Variants in CDH1 observed in about 807,000 individuals in gnomAD.
CDH1 encodes cadherin-1.
Under a neutral mutation model 84.5 loss-of-function variants are expected in CDH1, and 35 were observed. The ratio of observed to expected loss-of-function variants is 0.41; its 90% CI spans 0.32 to 0.55. The LOEUF is 0.55. Ranked by LOEUF, CDH1 falls within the 20% of genes least tolerant of loss-of-function variation. The pLI is 0.19. For missense variants in CDH1, 994 were observed against 1,126.6 expected, an observed-to-expected ratio of 0.88 and a Z score of 1.68; for synonymous variants, 417 against 439.0, an observed-to-expected ratio of 0.95 and a Z score of 0.63.
rs35572355 is a variant in CDH1 at position 68,833,344 on chromosome 16, G to C, written c.2494G>C (p.Val832Leu). 1 of 1,614,154 alleles carries C rather than the reference G, an allele frequency of 6.2e-7. No individual in the cohort carries two copies. The highest frequency in any genetic ancestry group is 1.7e-5 in the Admixed American group (1 of 60,004). ...PTAPPYDSLL[V>L]FDYEGSGSEA... ...AGCCCCGCCTTATGATTCTCTGCTCGTGTTTGACTATGAAGGAAGCGGTTC... is the reference window on the plus strand; with the variant it reads ...AGCCCCGCCTTATGATTCTCTGCTCCTGTTTGACTATGAAGGAAGCGGTTC... Residue 832 changes from valine (V) to leucine (L), a missense_variant, in exon 16 of 16, where the codon GTG becomes CTG. Val to Leu is a conservative substitution (Grantham distance 32). Transcript: ENST00000261769.
At chr16:68,738,054 C>T (rs1017202222) in intron 1 of CDH1, among the ~76,000 whole-genome samples, 3 of 151,176 alleles carry the variant, frequency 2.0e-5, no homozygotes, top group Admixed American at 2.0e-4. Context: ...TGAAAGGGAA[C>T]GGTGGGCTAG....
At chr16:68,779,269 G>T (rs1474440733) in intron 2 of CDH1, among the ~76,000 whole-genome samples, 1 of 152,162 alleles carries the variant, frequency 6.6e-6, no homozygotes, top group Non-Finnish European at 1.5e-5. Context: ...CCCTCCTTTG[G>T]TGACTTTGCC....
At chr16:68,753,622 C>G (rs1425876075) in intron 2 of CDH1, among the ~76,000 whole-genome samples, 3 of 152,052 alleles carry the variant, frequency 2.0e-5, no homozygotes, top group African/African-American at 7.2e-5. Context: ...CAGGCGTGAG[C>G]CACCGCGCCC....
At chr16:68,805,165 T>C (rs1444050902) in intron 3 of CDH1, among the ~76,000 whole-genome samples, 1 of 152,008 alleles carries the variant, frequency 6.6e-6, no homozygotes, top group East Asian at 1.9e-4. Context: ...ACTTTTCTTT[T>C]CTTCTTCTTC....
At chr16:68,815,434 C>A (rs2152134544) in intron 9 of CDH1, 81 bp from the exon 10 acceptor site, 1 of 1,571,590 alleles carries the variant, frequency 6.4e-7, no homozygotes, top group Non-Finnish European at 8.7e-7. Context: ...TTACCAAAAG[C>A]AACAGTTAAG....
rs573530740 is a variant in CDH1, at chr16:68,828,502, C to T, written c.2295+198C>T. Among the ~76,000 whole-genome samples, 89 of 152,266 alleles carry T rather than the reference C, an allele frequency of 5.8e-4. 1 individual carries two copies. In the South Asian group the frequency reaches 0.018, roughly 30 times the overall value. On this transcript the variant is annotated intron_variant, in intron 14 of 15. Transcript: ENST00000261769. ...ACCAACACAGCTAACATTTATTGAT[C>T]GCATACTGTTCTGCACCTCAGTGAG...
chr16:68,785,541 G>A (rs9923925), intron 2 of CDH1, among the ~76,000 whole-genome samples: 43,289 of 151,880 alleles, frequency 0.29, 6,281 homozygotes, highest in Middle Eastern at 0.34. Context: ...TTGTGCAGTC[G>A]TGGCTCACTG....
Position 68,811,875 on chromosome 16 carries a change from G to C in CDH1, c.1008+16G>C, listed in dbSNP as rs780181188. The stretch of plus-strand genomic sequence containing the variant: ...GGACCGAGAGGTCAGGGGTCAGGAG[G>C]ATCCAGAGGGTGTGGAGGACAAATG... On this transcript the variant is annotated intron_variant, in intron 7 of 15. Coordinates refer to ENST00000261769, the MANE Select transcript of CDH1 (RefSeq NM_004360.5). 2.3e-5 allele frequency: 37 copies of C among 1,613,594 alleles called. No individual in the cohort carries two copies. The South Asian group carries it at 4.0e-4, about 17-fold the overall frequency.
intron 13 of CDH1, among the ~76,000 whole-genome samples, chr16:68,824,843 G>A (rs1961275851): frequency 6.6e-6 from 1 of 152,196 alleles, no homozygotes; most frequent in Non-Finnish European, 1.5e-5. Flanking sequence ...AACAGACTAT[G>A]TGCATCAAAA....
At chr16:68,809,604 C>T (rs1452378719) in intron 5 of CDH1, among the ~76,000 whole-genome samples, 1 of 152,172 alleles carries the variant, frequency 6.6e-6, no homozygotes, top group Non-Finnish European at 1.5e-5. Flanking sequence ...TAGCTCACTG[C>T]AGCCTGGACC....
At chr16:68,795,037 G>A (rs566232666) in intron 2 of CDH1, among the ~76,000 whole-genome samples, 37 of 152,224 alleles carry the variant, frequency 2.4e-4, no homozygotes, top group Admixed American at 1.1e-3. Context: ...AGAAAATGAG[G>A]TTTCACTATG....
chr16:68,816,890 A>T (rs1475061416), intron 10 of CDH1, among the ~76,000 whole-genome samples: 1 of 152,236 alleles, frequency 6.6e-6, no homozygotes, highest in Admixed American at 6.5e-5. Context: ...ATGAAAAGTC[A>T]AAGACAATAA....
In CDH1 at chr16:68,813,450, C is replaced by T. The variant is rs1555515907; in HGVS notation, c.1275C>T (p.Val425=). 6.2e-7 allele frequency: 1 copy of T among 1,614,160 alleles called. No homozygotes were observed. The highest frequency in any genetic ancestry group is 1.3e-5 in the African/African-American group (1 of 75,036). Residue 425 remains valine, a synonymous_variant, in exon 9 of 16, where the codon GTC becomes GTT. Coordinates refer to ENST00000261769, the MANE Select transcript of CDH1 (RefSeq NM_004360.5). ...ILNDDGGQFV[V]TTNPVNNDGI... ...ATGATGATGGTGGACAATTTGTCGT[C>T]ACCACAAATCCAGTGAACAACGATG... is the stretch of plus-strand genomic sequence containing the variant.
At chr16:68,766,326 C>T (rs1959383885) in intron 2 of CDH1, among the ~76,000 whole-genome samples, 1 of 152,086 alleles carries the variant, frequency 6.6e-6, no homozygotes, top group African/African-American at 2.4e-5. Context: ...CTGAGACATC[C>T]CCTTGACTAT....
Position 68,823,405 on chromosome 16 carries a change from A to G in CDH1, c.1943A>G (p.Glu648Gly). ...WTIQYNDPTQ[E>G]SIILKPKMAL... ...TTTTTATTGCTTTCTCCAGCCCAAGAATCTATCATTTTGAAGCCAAAGATG... is the reference window on the plus strand; with the variant it reads ...TTTTTATTGCTTTCTCCAGCCCAAGGATCTATCATTTTGAAGCCAAAGATG... Residue 648 changes from glutamate (E) to glycine (G), a missense_variant, in exon 13 of 16, where the codon GAA (glutamate) becomes GGA (glycine). Coordinates refer to ENST00000261769, the MANE Select transcript of CDH1 (RefSeq NM_004360.5). 2 of 1,609,218 alleles carry G rather than the reference A, an allele frequency of 1.2e-6. No homozygotes were observed. The highest frequency in any genetic ancestry group is 2.2e-5 in the East Asian group (1 of 44,848).
At chr16:68,780,445 AG>A (rs1212118178) in intron 2 of CDH1, among the ~76,000 whole-genome samples, 1 of 152,114 alleles carries the variant, frequency 6.6e-6, no homozygotes, top group Non-Finnish European at 1.5e-5. Context: ...CTGGGATTAC[AG>A]GTGTGCACCA....
At chr16:68,754,042 C>T (rs1597851627) in intron 2 of CDH1, among the ~76,000 whole-genome samples, 1 of 151,248 alleles carries the variant, frequency 6.6e-6, no homozygotes, top group African/African-American at 2.4e-5. Flanking sequence ...TGGCTTGAAC[C>T]TGGGAGGTGG....
Position 68,833,707 on chromosome 16 carries a change from G to GT in CDH1, c.*208_*209insT. The GT allele has an allele frequency of 3.0e-5, 17 of 563,402 alleles. No individual in the cohort carries two copies. In the East Asian group the frequency reaches 4.7e-4, roughly 16 times the overall value. The allele number at this position is 563,402 out of a possible 1,614,324, so 34.9% of individuals were successfully genotyped here. A position where few individuals can be genotyped will look rare whatever the true frequency, so the allele number is the denominator to read the frequency against. On this transcript the variant is annotated 3_prime_UTR_variant, in exon 16 of 16. Transcript: ENST00000261769. ...GAAAAGTTTCGACTTATTTCTTAAA[G>GT]CTTTTTTTTTTTTCCCATCACTCTT...
chr16:68,790,216 A>G (rs1960170690), intron 2 of CDH1, among the ~76,000 whole-genome samples: 1 of 152,164 alleles, frequency 6.6e-6, no homozygotes, highest in African/African-American at 2.4e-5. Flanking sequence ...TTGTTCTCCC[A>G]CATCTCAGGC....
Sources: allele counts gnomAD v4.1 joint callset (sites outside exome capture counted in the v4.1 genomes callset), GRCh38; gene constraint gnomAD v4.1.1; transcripts MANE v1.5; gene names NCBI Gene and HGNC (gene_info 2026-07-23, HGNC 2026-07-21).